Variants in SPTB observed in about 807,000 individuals in gnomAD.
SPTB encodes the protein spectrin beta chain, erythrocytic.
Under a neutral mutation model 256.2 loss-of-function variants are expected in SPTB, and 45 were observed. The ratio of observed to expected loss-of-function variants is 0.18; its 90% CI spans 0.14 to 0.23. The LOEUF (loss-of-function observed/expected upper bound fraction) is 0.23. Among genes scored for constraint, SPTB ranks in the 10% least tolerant of loss-of-function variants. The pLI is 1.00. For synonymous variants in SPTB, 1,231 were observed against 1,243.1 expected, an observed-to-expected ratio of 0.99 and a Z score of 0.21; for missense variants, 2,715 against 3,040.4, an observed-to-expected ratio of 0.89 and a Z score of 2.52.
At chr14:64,855,055 C>G (rs573986163) in intron 1 of SPTB, among the ~76,000 whole-genome samples, 1 of 152,324 alleles carries the variant, frequency 6.6e-6, no homozygotes, top group African/African-American at 2.4e-5. Flanking sequence ...TTCACAACCA[C>G]TCTGTGGTCA....
Position 64,793,969 on chromosome 14 carries a change from G to A in SPTB, c.1796-102C>T. On this transcript the variant is annotated intron_variant, in intron 13 of 35. Transcript: ENST00000644917. The surrounding 1 kb of genome is among the most constrained non-coding windows in gnomAD (Gnocchi z 7.0). ...GTTGGAACTACACAACCCTGAAGCT[G>A]CCATGTCACTGGGGCTTTGGGGTTG... 3 of 1,257,290 alleles carry A rather than the reference G, an allele frequency of 2.4e-6. No individual in the cohort carries two copies. The highest frequency in any genetic ancestry group is 3.2e-6 in the Non-Finnish European group (3 of 925,448). The allele number at this position is 1,257,290 out of a possible 1,614,324, so 77.9% of individuals were successfully genotyped here.
intron 4 of SPTB, among the ~76,000 whole-genome samples, chr14:64,803,070 CTCTCT>C (rs1458316802): frequency 4.6e-5 from 7 of 152,132 alleles, no homozygotes; most frequent in Non-Finnish European, 1.0e-4. Context: ...GAGTTGTATG[CTCTCT>C]TCTTTCTCCT....
chr14:64,781,862 A>C (rs978010340), intron 20 of SPTB, among the ~76,000 whole-genome samples: 2 of 152,202 alleles, frequency 1.3e-5, no homozygotes, highest in African/African-American at 4.8e-5. Flanking sequence ...ATACATATAC[A>C]CCATGGAATA....
chr14:64,788,798 G>C (rs1473152991), intron 15 of SPTB, among the ~76,000 whole-genome samples: 1 of 152,216 alleles, frequency 6.6e-6, no homozygotes, highest in Non-Finnish European at 1.5e-5. Context: ...TGAGATGGAG[G>C]AGGTTGATAG....
At position 64,803,737 on chromosome 14, in the gene SPTB, T is replaced by C; in HGVS notation, c.344A>G (p.Asn115Ser). 6.2e-7 allele frequency: 1 copy of C among 1,614,050 alleles called. No homozygotes were observed. The highest frequency in any genetic ancestry group is 8.5e-7 in the Non-Finnish European group (1 of 1,179,996). ...GAGGAACTGGAGAGCCTTGTCCACA[T>C]TCTCCAGGCAGTGGATGCGCATCTT... ...KGKMRIHCLE[N>S]VDKALQFLKE... The change falls in exon 4 of 36, where the codon AAT becomes AGT. Residue 115 changes from asparagine (N) to serine (S), a missense_variant. Around this residue, in one of 4 missense-constraint regions of SPTB, gnomAD observed 416 missense variants for 571.1 expected, o/e 0.73. Coordinates refer to ENST00000644917, the MANE Select transcript of SPTB (RefSeq NM_001355436.2).
rs779277166 is a variant in SPTB at position 64,750,121 on chromosome 14, G to A, written c.6636C>T (p.Asn2212=). The A allele has an allele frequency of 6.2e-7, 1 of 1,614,132 alleles. No homozygotes were observed. The highest frequency in any genetic ancestry group is 8.5e-7 in the Non-Finnish European group (1 of 1,180,000). The change falls in exon 34 of 36, where the codon AAC becomes AAT. Residue 2212 remains asparagine, a synonymous_variant. Coordinates refer to ENST00000644917, the MANE Select transcript of SPTB (RefSeq NM_001355436.2). ...SWNNLYCVLR[N]SELTFYKDAK... ...CATCCTTGTAGAAGGTTAGCTCACTGTTCCTGAGCACACAGTACAGGTTGT... is the reference window on the plus strand; with the variant it reads ...CATCCTTGTAGAAGGTTAGCTCACTATTCCTGAGCACACAGTACAGGTTGT...
Position 64,772,866 on chromosome 14 carries a change from C to A in SPTB, c.5267G>T (p.Arg1756Leu), listed in dbSNP as rs776376302. Residue 1756 changes from arginine (R) to leucine (L), a missense_variant, in exon 26 of 36, where the codon CGA becomes CTA. Arg to Leu is a moderately radical substitution (Grantham distance 102, BLOSUM62 -2). This residue lies in a region of SPTB where 2,239 missense variants were observed against 2,384.4 expected (regional missense o/e 0.94). Transcript: ENST00000644917. The surrounding 1 kb of genome is among the most constrained non-coding windows in gnomAD (Gnocchi z 5.4). ...RVDNVNAFIE[R>L]LIDAGHSEAA... Reference sequence around the variant, plus strand: ...CTCGCTGTGGCCCGCGTCGATGAGTCGCTCGATGAAGGCATTCACATTGTC... The same window carrying A: ...CTCGCTGTGGCCCGCGTCGATGAGTAGCTCGATGAAGGCATTCACATTGTC... The A allele has an allele frequency of 3.4e-5, 55 of 1,611,526 alleles. No homozygotes were observed. Among genetic ancestry groups the A allele is most frequent in the Non-Finnish European group, 4.6e-5 (54 of 1,178,462 alleles).
At position 64,801,249 on chromosome 14, in the gene SPTB, C is replaced by G. The variant is rs369643417; in HGVS notation, c.763+36G>C. ...AGCACAGCGAGTGCATCCCCCACTG[C>G]TGCAGCAAAGGCTGGCAGGGGTGGG... On this transcript the variant is annotated intron_variant, in intron 7 of 35. Transcript: ENST00000644917. 7 of 1,560,808 alleles carry G rather than the reference C, an allele frequency of 4.5e-6. 1 individual carries two copies. In the African/African-American group the frequency reaches 9.5e-5, roughly 21 times the overall value.
chr14:64,801,310 G>T lies in SPTB; in HGVS notation c.738C>A (p.Gly246=), dbSNP rs1213243276. ...HAFNVAERQL[G]IIPLLDPEDV... ...CTTCGGGGTCGAGGAGCGGGATGATGCCCAGCTGGCGCTCAGCCACATTGA... is the reference window on the plus strand; with the variant it reads ...CTTCGGGGTCGAGGAGCGGGATGATTCCCAGCTGGCGCTCAGCCACATTGA... Residue 246 remains glycine (G), a synonymous_variant, in exon 7 of 36, where the codon GGC becomes GGA. Coordinates refer to ENST00000644917, the MANE Select transcript of SPTB (RefSeq NM_001355436.2). 1 of 1,613,948 alleles carries T rather than the reference G, an allele frequency of 6.2e-7. No individual in the cohort carries two copies. Among genetic ancestry groups the T allele is most frequent in the African/African-American group, 1.3e-5 (1 of 74,944 alleles).
intron 33 of SPTB, 101 bp from the exon 34 acceptor site, chr14:64,750,255 T>G: frequency 8.5e-7 from 1 of 1,183,134 alleles, no homozygotes; most frequent in Non-Finnish European, 1.2e-6. Flanking sequence ...CCATGTTTGT[T>G]CTGATACATA....
At chr14:64,767,185 G>T (rs994447692) in intron 31 of SPTB, 118 bp downstream of exon 31, 1 of 1,312,154 alleles carries the variant, frequency 7.6e-7, no homozygotes, top group Non-Finnish European at 1.1e-6. Flanking sequence ...TCCTGACGAG[G>T]GTGCCCAGTG....
At position 64,749,577 on chromosome 14, in the gene SPTB, GCCTCCAGGGCAAGCGGCCTGGGGT is replaced by G; in HGVS notation, c.6819+53_6819+76del. ...TCTTGGGACTGCCCCTTCTGAGGGGGCCTCCAGGGCAAGCGGCCTGGGGTCCTCCACCTACCCCCTTCTTAGCCA... is the reference window on the plus strand; with the variant it reads ...TCTTGGGACTGCCCCTTCTGAGGGGGCCTCCACCTACCCCCTTCTTAGCCA... On this transcript the variant is annotated intron_variant, in intron 35 of 35. Transcript: ENST00000644917. The surrounding 1 kb of genome is among the most constrained non-coding windows in gnomAD (Gnocchi z 4.7). The G allele has an allele frequency of 2.5e-6, 4 of 1,607,164 alleles. No homozygotes were observed. Among genetic ancestry groups the G allele is most frequent in the South Asian group, 2.2e-5 (2 of 90,918 alleles).
At chr14:64,834,164 C>T (rs2083487765) in intron 1 of SPTB, among the ~76,000 whole-genome samples, 1 of 152,124 alleles carries the variant, frequency 6.6e-6, no homozygotes, top group African/African-American at 2.4e-5. Context: ...GTAGCTGGGA[C>T]TACAGGTGGA....
chr14:64,760,368 G>A lies in SPTB; in HGVS notation c.6345+6358C>T, dbSNP rs867245074. Among the ~76,000 whole-genome samples the A allele has an allele frequency of 4.6e-5, 7 of 152,246 alleles. No homozygotes were observed. In the East Asian group the frequency reaches 7.7e-4, roughly 17 times the overall value. ...TGTCCAGGCTCAACCAGCAGGTGGCGCGGGGGACTGCACACAGACAACAAA... is the reference window on the plus strand; with the variant it reads ...TGTCCAGGCTCAACCAGCAGGTGGCACGGGGGACTGCACACAGACAACAAA... On this transcript the variant is annotated intron_variant, in intron 32 of 35. Coordinates refer to ENST00000644917, the MANE Select transcript of SPTB (RefSeq NM_001355436.2). The surrounding 1 kb of genome is among the most constrained non-coding windows in gnomAD (Gnocchi z 4.3).
At chr14:64,837,645 AG>A (rs2083545474) in intron 1 of SPTB, among the ~76,000 whole-genome samples, 1 of 152,210 alleles carries the variant, frequency 6.6e-6, no homozygotes, top group Non-Finnish European at 1.5e-5. Context: ...CTTGTTGCCC[AG>A]GCTGGAGTGC....
intron 1 of SPTB, among the ~76,000 whole-genome samples, chr14:64,862,607 C>T (rs1263885207): frequency 1.3e-5 from 2 of 152,062 alleles, no homozygotes; most frequent in Admixed American, 6.5e-5. Flanking sequence ...GGCGCGGTGC[C>T]TCACAACTGT....
chr14:64,823,288 C>T lies in SPTB; in HGVS notation c.-51-143G>A. 1.5e-6 allele frequency: 1 copy of T among 684,010 alleles called. No individual in the cohort carries two copies. The highest frequency in any genetic ancestry group is 2.6e-6 in the Non-Finnish European group (1 of 385,876). 42.4% of individuals were successfully genotyped at this position (684,010 alleles called of 1,614,324 possible). A position where few individuals can be genotyped will look rare whatever the true frequency, so the allele number is the denominator to read the frequency against. On this transcript the variant is annotated intron_variant, in intron 1 of 35. Transcript: ENST00000644917. This position sits in a 1 kb window ranked among gnomAD's most constrained non-coding sequence, Gnocchi z 6.5. ...TCATCTGCCTGGGCGTGCTTCCTAC[C>T]AGGGTCTCTGGGTCGTTTGTTATAA...
intron 29 of SPTB, 155 bp from the exon 30 acceptor site, chr14:64,768,014 C>G: frequency 1.3e-6 from 1 of 768,878 alleles, no homozygotes; most frequent in East Asian, 2.7e-5. Flanking sequence ...CCACCCCATT[C>G]CACACTGGGC....
At position 64,779,195 on chromosome 14, in the gene SPTB, T is replaced by A. The variant is rs375743316; in HGVS notation, c.4525A>T (p.Asn1509Tyr). The A allele has an allele frequency of 5.1e-5, 82 of 1,613,918 alleles. No homozygotes were observed. The highest frequency in any genetic ancestry group is 6.6e-5 in the Non-Finnish European group (78 of 1,179,986). The change falls in exon 22 of 36, where the codon AAT becomes TAT. Residue 1509 changes from asparagine to tyrosine, a missense_variant. Physicochemically the swap from Asn to Tyr is moderately radical, Grantham distance 143. This residue lies in a region of SPTB where 2,239 missense variants were observed against 2,384.4 expected (regional missense o/e 0.94). Transcript: ENST00000644917. The surrounding 1 kb of genome is among the most constrained non-coding windows in gnomAD (Gnocchi z 4.2). ...ATGAACAGTTGCACAGTTTGCAGATTAGTGCCATAGTCGGCTGACTGGGCC... is the reference window on the plus strand; with the variant it reads ...ATGAACAGTTGCACAGTTTGCAGATAAGTGCCATAGTCGGCTGACTGGGCC... ...PLAQSADYGTNLQTVQLFMKK... is the reference protein window; with the variant it reads ...PLAQSADYGTYLQTVQLFMKK...
Sources: allele counts gnomAD v4.1 joint callset (sites outside exome capture counted in the v4.1 genomes callset), GRCh38; gene constraint gnomAD v4.1.1; regional missense constraint gnomAD v4.1.1; non-coding constraint Gnocchi (gnomAD v3.1); transcripts MANE v1.5; gene names NCBI Gene and HGNC (gene_info 2026-07-23, HGNC 2026-07-21).